USP22: variants seen among roughly 807,000 people sequenced by gnomAD.
The protein encoded by USP22 is ubiquitin carboxyl-terminal hydrolase 22.
Under a neutral mutation model 68.1 loss-of-function variants are expected in USP22, and 22 were observed. The observed-to-expected ratio is 0.32, with a 90% confidence interval of 0.23 to 0.46. USP22 has a LOEUF of 0.46. Ranked by LOEUF, USP22 falls within the 20% of genes least tolerant of loss-of-function variation. The pLI is 1.00. For missense variants in USP22, 433 were observed against 695.8 expected (o/e 0.62, Z 4.25); for synonymous variants, 279 against 274.2 (o/e 1.02, Z -0.17).
chr17:21,006,937 G>A lies in USP22; in HGVS notation c.1281C>T (p.Ser427=). The A allele has an allele frequency of 1.2e-6, 2 of 1,609,888 alleles. No homozygotes were observed. Among genetic ancestry groups the A allele is most frequent in the Non-Finnish European group, 1.7e-6 (2 of 1,177,900 alleles). The part of the protein sequence containing the change: ...KLRRKITTYV[S]FPLELDMTPF... ...GGGTCATGTCCAGCTCCAGGGGGAA[G>A]GACACATACGTGGTGATCTTCCGCC... The change falls in exon 10 of 13, where the codon TCC becomes TCT. Residue 427 remains serine (S), a synonymous_variant. Coordinates refer to ENST00000261497, the MANE Select transcript of USP22 (RefSeq NM_015276.2).
At position 21,042,867 on chromosome 17, in the gene USP22, G is replaced by A; in HGVS notation, c.-32C>T. Reference sequence around the variant, plus strand: ...CAAGGCCCGGCCGCGCGCGGGGGGCGGCGGCGAGGGAGGCGAGGACGACGC... The same window carrying A: ...CAAGGCCCGGCCGCGCGCGGGGGGCAGCGGCGAGGGAGGCGAGGACGACGC... On this transcript the variant is annotated 5_prime_UTR_variant, in exon 1 of 13. Coordinates refer to ENST00000261497, the MANE Select transcript of USP22 (RefSeq NM_015276.2). 1 of 1,233,538 alleles carries A rather than the reference G, an allele frequency of 8.1e-7. No individual in the cohort carries two copies. Among genetic ancestry groups the A allele is most frequent in the Non-Finnish European group, 1.0e-6 (1 of 985,636 alleles). The allele number at this position is 1,233,538 out of a possible 1,614,324, so 76.4% of individuals were successfully genotyped here.
At chr17:21,031,298 T>G (rs1034835888) in intron 1 of USP22, among the ~76,000 whole-genome samples, 4 of 152,222 alleles carry the variant, frequency 2.6e-5, no homozygotes, top group African/African-American at 9.6e-5. Flanking sequence ...AAGAATAAAC[T>G]ATACTACAGT....
At chr17:21,030,368 T>TTGTGTGTG (rs3047596) in intron 1 of USP22, among the ~76,000 whole-genome samples, 1 of 150,758 alleles carries the variant, frequency 6.6e-6, no homozygotes, top group East Asian at 1.9e-4. Context: ...CTCAGGCCGC[T>TTGTGTGTG]TGTGTGTGTG....
At position 21,006,993 on chromosome 17, in the gene USP22, GAAATAGGAAGGGGAC is replaced by G. The variant is rs780289729; in HGVS notation, c.1231-21_1231-7del. On this transcript the variant is annotated splice_region_variant and splice_polypyrimidine_tract_variant and intron_variant, in intron 9 of 12. Coordinates refer to ENST00000261497, the MANE Select transcript of USP22 (RefSeq NM_015276.2). ...TTGGCTGAGTGTTCAAATCGCTGCA[GAAATAGGAAGGGGAC>G]AGAGGGAAGAGGAAAGAAGATCAGA... 1 of 1,592,878 alleles carries G rather than the reference GAAATAGGAAGGGGAC, an allele frequency of 6.3e-7. No individual in the cohort carries two copies. Among genetic ancestry groups the G allele is most frequent in the South Asian group, 1.1e-5 (1 of 87,988 alleles).
intron 2 of USP22, among the ~76,000 whole-genome samples, chr17:21,023,586 A>T (rs1251684712): frequency 2.9e-5 from 4 of 139,224 alleles, no homozygotes; most frequent in Non-Finnish European, 6.5e-5. Flanking sequence ...CAGAGGCTGC[A>T]GTGAGCCAAG....
intron 6 of USP22, among the ~76,000 whole-genome samples, chr17:21,015,287 C>T (rs1312764738): frequency 6.6e-6 from 1 of 152,206 alleles, no homozygotes; most frequent in African/African-American, 2.4e-5. Context: ...AAGCTTTGCT[C>T]GTCCTGTGTC....
intron 1 of USP22, among the ~76,000 whole-genome samples, chr17:21,038,665 CA>C (rs35897137): frequency 0.19 from 20,893 of 107,384 alleles, 4,096 homozygotes; most frequent in African/African-American, 0.51. Flanking sequence ...GACCCTGTCT[CA>C]AAAAAAAAAA....
At chr17:21,021,329 G>A in intron 2 of USP22, 103 bp from the exon 3 acceptor site, 1 of 739,308 alleles carries the variant, frequency 1.4e-6, no homozygotes, top group Non-Finnish European at 2.4e-6. Context: ...GATACTGACT[G>A]TTCACAGCAC....
At chr17:21,015,358 G>C (rs905040418) in intron 6 of USP22, among the ~76,000 whole-genome samples, 12 of 152,168 alleles carry the variant, frequency 7.9e-5, no homozygotes, top group Non-Finnish European at 1.5e-4. Context: ...CAATGGGAAG[G>C]AGACAGTTGG....
intron 2 of USP22, among the ~76,000 whole-genome samples, chr17:21,023,908 G>A (rs1450031268): frequency 1.6e-4 from 25 of 152,128 alleles, no homozygotes; most frequent in Admixed American, 1.6e-3. Context: ...TATAACTTAA[G>A]TGCATCCCCG....
In USP22 at chr17:21,031,926, G is replaced by A. The variant is rs146788310; in HGVS notation, c.172-3252C>T. On this transcript the variant is annotated intron_variant, in intron 1 of 12. Transcript: ENST00000261497. Reference sequence around the variant, plus strand: ...AAGCAGCCAACCAACAAGACAACTGGCGCTAAATACAGAAAACAGCTGTCT... The same window carrying A: ...AAGCAGCCAACCAACAAGACAACTGACGCTAAATACAGAAAACAGCTGTCT... Among the ~76,000 whole-genome samples the A allele has an allele frequency of 5.1e-3, 780 of 152,302 alleles. 19 individuals carry two copies. Among genetic ancestry groups the A allele is most frequent in the Admixed American group, 0.04 (617 of 15,308 alleles).
At chr17:21,023,053 AT>A (rs1449119521) in intron 2 of USP22, among the ~76,000 whole-genome samples, 2 of 152,354 alleles carry the variant, frequency 1.3e-5, no homozygotes, top group African/African-American at 4.8e-5. Flanking sequence ...GGAGGTCATT[AT>A]CCTTAGAAAA....
intron 1 of USP22, among the ~76,000 whole-genome samples, chr17:21,036,205 G>A (rs372700752): frequency 4.6e-5 from 7 of 152,062 alleles, no homozygotes; most frequent in African/African-American, 1.7e-4. Flanking sequence ...CAGTGGTTGT[G>A]GAGAGTTAGA....
chr17:21,015,545 G>A (rs980701825), intron 6 of USP22: 21 of 634,996 alleles, frequency 3.3e-5, no homozygotes, highest in African/African-American at 7.6e-5. Flanking sequence ...CTACTTCCTC[G>A]CCTCTTAAAA....
At chr17:21,020,771 C>T (rs1199267924) in intron 3 of USP22, among the ~76,000 whole-genome samples, 1 of 152,166 alleles carries the variant, frequency 6.6e-6, no homozygotes, top group Non-Finnish European at 1.5e-5. Flanking sequence ...CCTCGCCACA[C>T]TCGTTCAGCC....
At chr17:21,041,029 C>A (rs1024028450) in intron 1 of USP22, among the ~76,000 whole-genome samples, 5 of 151,892 alleles carry the variant, frequency 3.3e-5, no homozygotes, top group African/African-American at 1.2e-4. Context: ...GGATTACAGG[C>A]GCCCGCCATC....
At chr17:21,013,644 G>A (rs1255815012) in intron 6 of USP22, among the ~76,000 whole-genome samples, 2 of 152,170 alleles carry the variant, frequency 1.3e-5, no homozygotes, top group Non-Finnish European at 2.9e-5. Flanking sequence ...TCATGACAGA[G>A]GAATAGAGAA....
intron 8 of USP22, among the ~76,000 whole-genome samples, chr17:21,009,945 C>T (rs780819577): frequency 1.0e-4 from 15 of 146,362 alleles, no homozygotes; most frequent in African/African-American, 3.0e-4. Context: ...CTAGAAAGAG[C>T]GAGACTCCGT....
At chr17:21,014,809 G>C (rs889617242) in intron 6 of USP22, among the ~76,000 whole-genome samples, 1 of 152,168 alleles carries the variant, frequency 6.6e-6, no homozygotes, top group Admixed American at 6.5e-5. Context: ...TGCCAGCCCA[G>C]AGACCACAGG....
Sources: allele counts gnomAD v4.1 joint callset (sites outside exome capture counted in the v4.1 genomes callset), GRCh38; gene constraint gnomAD v4.1.1; transcripts MANE v1.5; gene names NCBI Gene and HGNC (gene_info 2026-07-23, HGNC 2026-07-21).